DSG4: variants seen among roughly 807,000 people sequenced by gnomAD.
The protein encoded by DSG4 is desmoglein 4, also known as desmoglein-4.
Under a neutral mutation model 93.1 loss-of-function variants are expected in DSG4, and 87 were observed. The ratio of observed to expected loss-of-function variants is 0.93; its 90% CI spans 0.79 to 1.12. DSG4 has a LOEUF of 1.12. Among genes scored for constraint, DSG4 ranks in the 50% most tolerant of loss-of-function variants. The probability of loss-of-function intolerance (pLI) is 0.00; values close to 1 mark genes in which losing one functional copy is unlikely to be tolerated. For synonymous variants in DSG4, 432 were observed against 452.9 expected (o/e 0.95, Z 0.59); for missense variants, 1,373 against 1,285.7 (o/e 1.07, Z -1.04).
chr18:31,393,339 TGGGTA>T (rs777175547), intron 8 of DSG4, among the ~76,000 whole-genome samples: 82 of 152,300 alleles, frequency 5.4e-4, no homozygotes, highest in Non-Finnish European at 8.5e-4. Flanking sequence ...TAGCTGAGAC[TGGGTA>T]ATTTATAAAG....
chr18:31,403,309 G>T, intron 10 of DSG4, 107 bp from the exon 11 acceptor site: 1 of 957,896 alleles, frequency 1.0e-6, no homozygotes. Context: ...AGCCTCCCAA[G>T]TCACGTATAT....
Position 31,412,964 on chromosome 18 carries a change from G to C in DSG4, c.2492G>C (p.Ser831Thr). ...TGGATTGTGGATGACTTAGATGAAA[G>C]CTGCATGGAAACTTTAGATCCAAAA... ...CSWIVDDLDE[S>T]CMETLDPKFR... The change falls in exon 16 of 16, where the codon AGC (serine) becomes ACC (threonine). Residue 831 changes from serine (S) to threonine (T), a missense_variant. Ser to Thr is a moderately conservative substitution (Grantham distance 58, BLOSUM62 1). Transcript: ENST00000308128. The C allele has an allele frequency of 6.2e-7, 1 of 1,614,160 alleles. No homozygotes were observed. The highest frequency in any genetic ancestry group is 8.5e-7 in the Non-Finnish European group (1 of 1,180,026).
chr18:31,405,993 T>C (rs934050998), intron 11 of DSG4, 84 bp from the exon 12 acceptor site: 76 of 1,495,224 alleles, frequency 5.1e-5, no homozygotes, highest in Non-Finnish European at 6.8e-5. Context: ...TTTAAGTCAA[T>C]ATTTGGTATT....
rs147462089 is a variant in DSG4, at chr18:31,387,520, C to T, written c.216+701C>T. Among the ~76,000 whole-genome samples the T allele has an allele frequency of 3.8e-3, 579 of 152,214 alleles. 4 individuals are homozygous for T. The highest frequency in any genetic ancestry group is 0.037 in the Middle Eastern group (11 of 294). On this transcript the variant is annotated intron_variant, in intron 3 of 15. Coordinates refer to ENST00000308128, the MANE Select transcript of DSG4 (RefSeq NM_177986.5). ...CTCAGATGTTTTCAAATTGGAGGGA[C>T]GCTTTTAAATTATTATTTCCATTCA...
chr18:31,411,725 C>T (rs569324435), intron 15 of DSG4, among the ~76,000 whole-genome samples: 2 of 152,096 alleles, frequency 1.3e-5, no homozygotes, highest in South Asian at 2.1e-4. Context: ...TCTTTTGTTT[C>T]CTTGATTCCT....
In DSG4 at chr18:31,390,774, T is replaced by C. The variant is rs770363164; in HGVS notation, c.636T>C (p.Asn212=). 1.1e-5 allele frequency: 17 copies of C among 1,613,652 alleles called. No homozygotes were observed. The highest frequency in any genetic ancestry group is 1.3e-5 in the African/African-American group (1 of 74,896). ...EPSGAPMFIL[N]RYTGEVCTMS... ...CAGGTGCACCCATGTTCATTCTGAA[T>C]AGGTACACTGGAGAAGTCTGCACCA... Residue 212 remains asparagine, a synonymous_variant, in exon 6 of 16, where the codon AAT becomes AAC. Transcript: ENST00000308128.
At position 31,381,995 on chromosome 18, in the gene DSG4, T is replaced by A. The variant is rs11081696; in HGVS notation, c.49-3141T>A. ...AATAGTAGTATCTTAAGCATTTTTA[T>A]ATTTCCAGTAAAAGTCCTGTTCAAG... On this transcript the variant is annotated intron_variant, in intron 1 of 15. Transcript: ENST00000308128. 5.8e-3 allele frequency among the ~76,000 whole-genome samples: 884 copies of A among 152,256 alleles called. 10 individuals carry two copies. Among genetic ancestry groups the A allele is most frequent in the African/African-American group, 0.02 (839 of 41,550 alleles).
chr18:31,398,768 T>G (rs565261707), intron 8 of DSG4, among the ~76,000 whole-genome samples: 1 of 152,278 alleles, frequency 6.6e-6, no homozygotes, highest in East Asian at 1.9e-4. Flanking sequence ...CATAAATTCT[T>G]TGTAAGTTGT....
intron 14 of DSG4, 32 bp from the exon 15 acceptor site, chr18:31,411,199 A>G (rs1182877010): frequency 3.1e-6 from 5 of 1,614,240 alleles, no homozygotes; most frequent in Non-Finnish European, 4.2e-6. Flanking sequence ...AGGCAACTCC[A>G]GCGCTGTTAA....
chr18:31,386,500 A>G (rs2072189018), intron 2 of DSG4, among the ~76,000 whole-genome samples, 188 bp from the exon 3 acceptor site: 1 of 152,216 alleles, frequency 6.6e-6, no homozygotes, highest in Non-Finnish European at 1.5e-5. Flanking sequence ...GATGATTCCA[A>G]AAGAAGTGGC....
At chr18:31,377,331 G>A (rs977974049) in intron 1 of DSG4, among the ~76,000 whole-genome samples, 1 of 152,176 alleles carries the variant, frequency 6.6e-6, no homozygotes, top group Non-Finnish European at 1.5e-5. Context: ...AATTTGAAGG[G>A]AAGTTAATCA....
Position 31,412,835 on chromosome 18 carries a change from A to G in DSG4, c.2363A>G (p.Tyr788Cys), listed in dbSNP as rs149705205. The G allele has an allele frequency of 3.7e-5, 60 of 1,614,100 alleles. No individual in the cohort carries two copies. The highest frequency in any genetic ancestry group is 3.5e-4 in the African/African-American group (26 of 74,944). Reference sequence around the variant, plus strand: ...ATTTCCTTTTAATTTTAGAAAGCGTATGCTTATGCAGATGAAGATGAAGGT... The same window carrying G: ...ATTTCCTTTTAATTTTAGAAAGCGTGTGCTTATGCAGATGAAGATGAAGGT... ...FLDSYFSEKA[Y>C]AYADEDEGRP... Residue 788 changes from tyrosine (Y) to cysteine (C), a missense_variant, in exon 16 of 16, where the codon TAT (tyrosine) becomes TGT (cysteine). Coordinates refer to ENST00000308128, the MANE Select transcript of DSG4 (RefSeq NM_177986.5).
intron 11 of DSG4, among the ~76,000 whole-genome samples, chr18:31,404,850 T>C (rs1281875842): frequency 1.3e-5 from 2 of 152,200 alleles, no homozygotes; most frequent in Non-Finnish European, 1.5e-5. Flanking sequence ...TTTTTCCTCA[T>C]TCGGATCCTA....
chr18:31,393,495 G>A (rs1006591082), intron 8 of DSG4, among the ~76,000 whole-genome samples: 1 of 152,144 alleles, frequency 6.6e-6, no homozygotes, highest in Non-Finnish European at 1.5e-5. Flanking sequence ...GACAAGGGCA[G>A]TAGCAGAAGA....
At chr18:31,389,941 G>A (rs2072230160) in intron 5 of DSG4, among the ~76,000 whole-genome samples, 2 of 152,150 alleles carry the variant, frequency 1.3e-5, no homozygotes, top group Admixed American at 1.3e-4. Flanking sequence ...CAACACTGGT[G>A]AAGGAAGAGA....
intron 6 of DSG4, 107 bp downstream of exon 6, chr18:31,390,929 A>G (rs1598739984): frequency 1.3e-6 from 2 of 1,506,316 alleles, no homozygotes; most frequent in East Asian, 2.5e-5. Context: ...GGGAAGAAAA[A>G]TAATCCATTT....
chr18:31,395,755 C>T (rs1598743085), intron 8 of DSG4, among the ~76,000 whole-genome samples: 1 of 152,122 alleles, frequency 6.6e-6, no homozygotes, highest in African/African-American at 2.4e-5. Flanking sequence ...AATCCCAGCA[C>T]TTTGGGAGGC....
rs762395269 is a variant in DSG4, at chr18:31,399,336, T to C, written c.1070T>C (p.Phe357Ser). The change falls in exon 9 of 16, where the codon TTT becomes TCT. Residue 357 changes from phenylalanine (F) to serine (S), a missense_variant. Physicochemically the swap from Phe to Ser is radical, Grantham distance 155. Coordinates refer to ENST00000308128, the MANE Select transcript of DSG4 (RefSeq NM_177986.5). ...LSIGVKNQAD[F>S]HYSVASQFQM... ...ATCGGAGTTAAAAACCAAGCTGATT[T>C]TCACTACTCCGTTGCTTCTCAATTC... 1.2e-6 allele frequency: 2 copies of C among 1,614,080 alleles called. No individual in the cohort carries two copies. The highest frequency in any genetic ancestry group is 2.2e-5 in the East Asian group (1 of 44,872).
chr18:31,406,697 C>G (rs2072431166), intron 12 of DSG4, among the ~76,000 whole-genome samples: 1 of 152,084 alleles, frequency 6.6e-6, no homozygotes, highest in Admixed American at 6.6e-5. Flanking sequence ...CAATTAAGTC[C>G]ATGTGGAAAA....
Sources: allele counts gnomAD v4.1 joint callset (sites outside exome capture counted in the v4.1 genomes callset), GRCh38; gene constraint gnomAD v4.1.1; transcripts MANE v1.5; gene names NCBI Gene and HGNC (gene_info 2026-07-23, HGNC 2026-07-21).